CDH13: variants seen among roughly 807,000 people sequenced by gnomAD.
CDH13 encodes cadherin-13.
In CDH13, 24 loss-of-function variants were observed where a neutral mutation model predicts 63.8. The ratio of observed to expected loss-of-function variants is 0.38; its 90% CI spans 0.27 to 0.53. CDH13 has a LOEUF of 0.53. Ranked by LOEUF, CDH13 falls within the 20% of genes least tolerant of loss-of-function variation. The pLI, the probability that CDH13 is intolerant of heterozygous loss-of-function variation, is 0.85. For synonymous variants in CDH13, 503 were observed against 355.3 expected (o/e 1.42, Z -4.67); for missense variants, 1,049 against 903.1 (o/e 1.16, Z -2.07).
intron 1 of CDH13, among the ~76,000 whole-genome samples, chr16:82,742,933 C>T (rs1322494253): frequency 6.6e-6 from 1 of 151,982 alleles, no homozygotes; most frequent in Non-Finnish European, 1.5e-5. Flanking sequence ...GTATAAGTGA[C>T]ATTAATGTAA....
intron 4 of CDH13, among the ~76,000 whole-genome samples, chr16:83,202,084 A>G (rs1036501597): frequency 3.3e-5 from 5 of 152,130 alleles, no homozygotes; most frequent in African/African-American, 1.2e-4. Context: ...TAATGGCCCC[A>G]TAGTGTCCCC....
At chr16:83,349,479 C>G (rs990350120) in intron 6 of CDH13, among the ~76,000 whole-genome samples, 1 of 152,096 alleles carries the variant, frequency 6.6e-6, no homozygotes, top group Non-Finnish European at 1.5e-5. Flanking sequence ...GAAGCAGGCC[C>G]TGAGATGAAG....
At chr16:82,798,740 C>T (rs1354595973) in intron 1 of CDH13, among the ~76,000 whole-genome samples, 1 of 152,114 alleles carries the variant, frequency 6.6e-6, no homozygotes, top group Non-Finnish European at 1.5e-5. Context: ...CTGGGAAACA[C>T]ATGCCCCAGG....
At chr16:83,197,275 A>G (rs930952860) in intron 4 of CDH13, among the ~76,000 whole-genome samples, 12 of 150,898 alleles carry the variant, frequency 8.0e-5, no homozygotes, top group African/African-American at 2.4e-4. Flanking sequence ...TCATAGGTAT[A>G]TATATATATA....
At chr16:83,587,254 G>C (rs4550432) in intron 7 of CDH13, among the ~76,000 whole-genome samples, 7 of 152,030 alleles carry the variant, frequency 4.6e-5, no homozygotes, top group African/African-American at 1.4e-4. Flanking sequence ...CTTTGATTGC[G>C]CTTTTCTAAG....
At chr16:83,070,890 C>T (rs528865789) in intron 3 of CDH13, among the ~76,000 whole-genome samples, 31 of 124,748 alleles carry the variant, frequency 2.5e-4, no homozygotes, top group Non-Finnish European at 4.0e-4. Flanking sequence ...ACCTAAACAA[C>T]AGGAGTTTAT....
intron 1 of CDH13, among the ~76,000 whole-genome samples, chr16:82,727,316 A>AT (rs902513938): frequency 4.6e-5 from 7 of 151,786 alleles, no homozygotes; most frequent in Admixed American, 2.6e-4. Context: ...CTCCCATTGC[A>AT]TTTTTTTTCC....
intron 11 of CDH13, among the ~76,000 whole-genome samples, chr16:83,764,713 CCCTTTACTCTT>C (rs2150990586): frequency 7.0e-6 from 1 of 142,528 alleles, no homozygotes; most frequent in East Asian, 2.2e-4. Flanking sequence ...CTGAAGTCAG[CCCTTTACTCTT>C]GCATCCTGCC....
intron 1 of CDH13, among the ~76,000 whole-genome samples, chr16:82,842,981 A>G (rs1205291019): frequency 1.3e-5 from 2 of 152,178 alleles, no homozygotes; most frequent in African/African-American, 2.4e-5. Context: ...GGGAGCAGCT[A>G]TAAATACAGA....
At chr16:83,299,291 TGA>T (rs2089676442) in intron 5 of CDH13, among the ~76,000 whole-genome samples, 6 of 7,046 alleles carry the variant, frequency 8.5e-4, no homozygotes, top group Non-Finnish European at 3.0e-4. Flanking sequence ...TATCAGGCCA[TGA>T]AAAAAAAAAA....
At position 82,724,468 on chromosome 16, in the gene CDH13, G is replaced by A. The variant is rs142407985; in HGVS notation, c.45+97331G>A. Among the ~76,000 whole-genome samples, 317 of 152,286 alleles carry A rather than the reference G, an allele frequency of 2.1e-3. 6 individuals carry two copies. The East Asian group carries it at 0.038, about 18-fold the overall frequency. On this transcript the variant is annotated intron_variant, in intron 1 of 13. Coordinates refer to ENST00000567109, the MANE Select transcript of CDH13 (RefSeq NM_001257.5). ...TTAATAAATGATAAACTGAGGCCTT[G>A]AGACATTTCTTCAGAGTATGATCCC...
chr16:83,306,224 A>G (rs567499925), intron 5 of CDH13, among the ~76,000 whole-genome samples: 2 of 152,326 alleles, frequency 1.3e-5, no homozygotes, highest in South Asian at 4.1e-4. Flanking sequence ...AAACAAGGGT[A>G]GGTACCGTAT....
chr16:83,331,761 C>T (rs188023085), intron 5 of CDH13, among the ~76,000 whole-genome samples: 1 of 152,284 alleles, frequency 6.6e-6, no homozygotes, highest in East Asian at 1.9e-4. Flanking sequence ...AACATGCATA[C>T]TATACCATTA....
At chr16:83,180,977 G>C in intron 4 of CDH13, 1 of 1,531,064 alleles carries the variant, frequency 6.5e-7, no homozygotes, top group Non-Finnish European at 8.7e-7. Context: ...CCTATTTGGC[G>C]ACATTATTGC....
chr16:82,670,267 G>A (rs1048170486), intron 1 of CDH13, among the ~76,000 whole-genome samples: 1 of 152,226 alleles, frequency 6.6e-6, no homozygotes, highest in African/African-American at 2.4e-5. Context: ...CATCTAGAGG[G>A]ATCAGGAAAT....
intron 1 of CDH13, among the ~76,000 whole-genome samples, chr16:82,734,269 C>T (rs898871624): frequency 6.6e-6 from 1 of 152,152 alleles, no homozygotes; most frequent in African/African-American, 2.4e-5. Context: ...CAGAGTTAAG[C>T]AGTTGCAATC....
intron 1 of CDH13, among the ~76,000 whole-genome samples, chr16:82,807,187 A>C (rs1486932796): frequency 6.6e-6 from 1 of 152,170 alleles, no homozygotes; most frequent in Non-Finnish European, 1.5e-5. Context: ...ATGTCATATA[A>C]AAATGCAATG....
intron 7 of CDH13, among the ~76,000 whole-genome samples, chr16:83,564,667 C>T (rs887637202): frequency 8.5e-5 from 13 of 152,138 alleles, no homozygotes; most frequent in African/African-American, 2.9e-4. Flanking sequence ...CCTCGGCCTC[C>T]CAAAGTGCTG....
intron 3 of CDH13, among the ~76,000 whole-genome samples, chr16:83,033,671 C>T (rs769911199): frequency 6.6e-6 from 1 of 152,194 alleles, no homozygotes; most frequent in Non-Finnish European, 1.5e-5. Context: ...TATGCATACA[C>T]TTTATAAGTG....
Sources: allele counts gnomAD v4.1 joint callset (sites outside exome capture counted in the v4.1 genomes callset), GRCh38; gene constraint gnomAD v4.1.1; transcripts MANE v1.5; gene names NCBI Gene and HGNC (gene_info 2026-07-23, HGNC 2026-07-21).